The following ZNF536 variants were observed in gnomAD, a reference collection of about 807,000 sequenced individuals.
The protein encoded by ZNF536 is zinc finger protein 536.
A neutral mutation model predicts 84.5 loss-of-function variants in ZNF536; 13 were observed. That is an observed-to-expected ratio of 0.15 (90% CI 0.10 to 0.24). ZNF536 has a LOEUF of 0.24. Among genes scored for constraint, ZNF536 ranks in the 10% least tolerant of loss-of-function variants. The probability of loss-of-function intolerance (pLI) is 1.00; values close to 1 mark genes in which losing one functional copy is unlikely to be tolerated. For synonymous variants in ZNF536, 811 were observed against 742.5 expected (o/e 1.09, Z -1.50); for missense variants, 1,536 against 1,747.5 (o/e 0.88, Z 2.16).
At position 30,707,895 on chromosome 19, in the gene ZNF536, A is replaced by T. The variant is rs79512331; in HGVS notation, c.170-2862A>T. ...CATGGTGGCTTATGCCTGTAATTCC[A>T]GCTACTCGGGGAGTCTAAGGCGGGA... On this transcript the variant is annotated intron_variant, in intron 1 of 1. Coordinates refer to the ZNF536 transcript ENST00000592773. Among the ~76,000 whole-genome samples, 546 of 151,988 alleles carry T rather than the reference A, an allele frequency of 3.6e-3. 3 individuals carry two copies. Among genetic ancestry groups the T allele is most frequent in the African/African-American group, 0.013 (536 of 41,466 alleles).
At chr19:30,453,003 G>A (rs1418237376) in intron 2 of ZNF536, among the ~76,000 whole-genome samples, 2 of 151,568 alleles carry the variant, frequency 1.3e-5, no homozygotes, top group South Asian at 2.1e-4. Flanking sequence ...AGGTGGTGGG[G>A]GGACTCTGAT....
intron 2 of ZNF536, among the ~76,000 whole-genome samples, chr19:30,446,110 G>A (rs1421018279): frequency 1.3e-5 from 2 of 151,854 alleles, no homozygotes; most frequent in African/African-American, 4.8e-5. Context: ...TTAGGCAAAT[G>A]TGGTGATGCA....
At chr19:30,703,562 C>G (rs1213505393) in intron 1 of ZNF536, among the ~76,000 whole-genome samples, 1 of 152,164 alleles carries the variant, frequency 6.6e-6, no homozygotes, top group African/African-American at 2.4e-5. Context: ...CCCAGATCCC[C>G]CATTCAAATG....
At chr19:30,259,545 G>T (rs564071187) in intron 1 of ZNF536, among the ~76,000 whole-genome samples, 4 of 152,164 alleles carry the variant, frequency 2.6e-5, no homozygotes, top group Non-Finnish European at 5.9e-5. Context: ...ACTCTGATGC[G>T]TACTGAGGTG....
chr19:30,667,439 G>A (rs1324139773), intron 1 of ZNF536, among the ~76,000 whole-genome samples: 2 of 152,088 alleles, frequency 1.3e-5, no homozygotes, highest in Non-Finnish European at 2.9e-5. Context: ...TGCGTTAGCT[G>A]CTTTCTGTGT....
intron 1 of ZNF536, among the ~76,000 whole-genome samples, chr19:30,611,423 A>C (rs1568601885): frequency 6.6e-6 from 1 of 150,550 alleles, no homozygotes; most frequent in African/African-American, 2.5e-5. Context: ...TTGCATTAAA[A>C]CCCCCTGCTC....
intron 2 of ZNF536, among the ~76,000 whole-genome samples, chr19:30,487,834 G>A (rs914033443): frequency 2.0e-5 from 3 of 152,128 alleles, no homozygotes; most frequent in East Asian, 3.9e-4. Context: ...TAGAACTTTG[G>A]CATACAATCT....
intron 2 of ZNF536, among the ~76,000 whole-genome samples, chr19:30,338,998 G>T (rs1254894280): frequency 2.0e-5 from 3 of 152,116 alleles, no homozygotes; most frequent in Non-Finnish European, 4.4e-5. Flanking sequence ...CTCCATGTCA[G>T]CTTGGTCCCT....
chr19:30,712,934 G>GAAAAAAAAACAAAAAAAAAAAAAAAAA (rs2052494925), exon 2 of ZNF536: 1 of 140,574 alleles, frequency 7.1e-6, no homozygotes, highest in Non-Finnish European at 1.5e-5. Flanking sequence ...AATAAAAAAA[G>GAAAAAAAAACAAAAAAAAAAAAAAAAA]AAAAAAAAAA....
At chr19:30,675,556 G>A (rs2050723460) in intron 1 of ZNF536, among the ~76,000 whole-genome samples, 2 of 152,200 alleles carry the variant, frequency 1.3e-5, no homozygotes, top group African/African-American at 4.8e-5. Flanking sequence ...ACGAAAGGAA[G>A]GAAACCAAGA....
At chr19:30,672,978 T>G (rs2050614246) in intron 1 of ZNF536, among the ~76,000 whole-genome samples, 1 of 152,184 alleles carries the variant, frequency 6.6e-6, no homozygotes, top group Admixed American at 6.5e-5. Flanking sequence ...GTGTTCACCC[T>G]TTGGCCCTTT....
intron 2 of ZNF536, among the ~76,000 whole-genome samples, chr19:30,335,336 G>C (rs533402658): frequency 1.3e-5 from 2 of 152,156 alleles, no homozygotes; most frequent in African/African-American, 4.8e-5. Context: ...GAGAGGCTCG[G>C]TTACATCTTT....
intron 1 of ZNF536, among the ~76,000 whole-genome samples, chr19:30,377,476 C>A (rs965565680): frequency 6.6e-6 from 1 of 152,066 alleles, no homozygotes; most frequent in African/African-American, 2.4e-5. Flanking sequence ...CAGTTCAAAG[C>A]AAAAGCAAGT....
intron 2 of ZNF536, among the ~76,000 whole-genome samples, chr19:30,341,443 C>T (rs2047562053): frequency 6.6e-6 from 1 of 152,176 alleles, no homozygotes; most frequent in Non-Finnish European, 1.5e-5. Flanking sequence ...AGATGACAGG[C>T]AGGGCCTTAG....
intron 2 of ZNF536, among the ~76,000 whole-genome samples, chr19:30,299,899 T>G (rs563270163): frequency 1.3e-5 from 2 of 152,182 alleles, no homozygotes; most frequent in African/African-American, 2.4e-5. Flanking sequence ...AAAAAAGCCT[T>G]TTTTGAAAAA....
chr19:30,680,103 G>A (rs2050906515), intron 1 of ZNF536, among the ~76,000 whole-genome samples: 1 of 152,060 alleles, frequency 6.6e-6, no homozygotes, highest in Non-Finnish European at 1.5e-5. Flanking sequence ...AAGACTCCTG[G>A]GTCTGGAGGC....
intron 1 of ZNF536, chr19:30,283,986 G>A (rs2045544819): frequency 6.6e-6 from 1 of 152,310 alleles, no homozygotes; most frequent in East Asian, 1.9e-4. Flanking sequence ...CCAGCAAATT[G>A]TTACTTTGGA....
intron 1 of ZNF536, among the ~76,000 whole-genome samples, chr19:30,381,699 A>G (rs1349867793): frequency 2.0e-5 from 3 of 152,152 alleles, no homozygotes; most frequent in Non-Finnish European, 4.4e-5. Flanking sequence ...GGGCCATAGG[A>G]AGCCTCAAAG....
chr19:30,254,011 T>A (rs1290611126), intron 1 of ZNF536, among the ~76,000 whole-genome samples: 1 of 152,188 alleles, frequency 6.6e-6, no homozygotes, highest in African/African-American at 2.4e-5. Context: ...AAGACTGATT[T>A]AACCACAATC....
Sources: allele counts gnomAD v4.1 joint callset (sites outside exome capture counted in the v4.1 genomes callset), GRCh38; gene constraint gnomAD v4.1.1; transcripts MANE v1.5; gene names NCBI Gene and HGNC (gene_info 2026-07-23, HGNC 2026-07-21).